Variants in DACH2 observed in about 807,000 individuals in gnomAD.
The protein encoded by DACH2 is dachshund homolog 2.
Under a neutral mutation model 35.8 loss-of-function variants are expected in DACH2, and 17 were observed. That is an observed-to-expected ratio of 0.48 (90% CI 0.33 to 0.71). DACH2 has a LOEUF of 0.71. Among genes scored for constraint, DACH2 ranks in the 30% least tolerant of loss-of-function variants. The probability of loss-of-function intolerance (pLI) is 0.02; values close to 1 mark genes in which losing one functional copy is unlikely to be tolerated. For missense variants in DACH2, 469 were observed against 472.7 expected (o/e 0.99, Z 0.07); for synonymous variants, 195 against 177.3 (o/e 1.10, Z -0.79).
At chrX:86,497,797 C>A (rs1163397841) in intron 2 of DACH2, among the ~76,000 whole-genome samples, 4 of 110,865 alleles carry the variant, frequency 3.6e-5, no homozygotes, top group Non-Finnish European at 7.6e-5. Context: ...AGTTCAAGAC[C>A]AGCTTGGCCA....
At chrX:86,668,535 T>A (rs1437986362) in intron 4 of DACH2, among the ~76,000 whole-genome samples, 2 of 111,955 alleles carry the variant, frequency 1.8e-5, no homozygotes, top group Non-Finnish European at 3.8e-5. Context: ...ATGTATTTTG[T>A]TTAATGACTC....
At chrX:86,242,794 T>C (rs60054806) in intron 1 of DACH2, among the ~76,000 whole-genome samples, 1,408 of 111,489 alleles carry the variant, frequency 0.013, 22 homozygotes, top group African/African-American at 0.043. Flanking sequence ...GCTCTTGTGA[T>C]AGTGAGCGTG....
At chrX:86,702,931 AC>A (rs1426436080) in intron 5 of DACH2, among the ~76,000 whole-genome samples, 1 of 111,288 alleles carries the variant, frequency 9.0e-6, no homozygotes, top group Admixed American at 9.6e-5. Context: ...AGCCAGTATC[AC>A]CTTGTTACCC....
chrX:86,442,548 G>A (rs67574168), intron 2 of DACH2, among the ~76,000 whole-genome samples: 3,176 of 109,735 alleles, frequency 0.029, 75 homozygotes, highest in East Asian at 0.21. Flanking sequence ...AAACTTTTAA[G>A]TTTGTTGAAA....
intron 2 of DACH2, among the ~76,000 whole-genome samples, chrX:86,399,229 G>T (rs186789322): frequency 0.023 from 2,552 of 111,036 alleles, 17 homozygotes; most frequent in Non-Finnish European, 0.035. Flanking sequence ...TTTTCCATTT[G>T]CTTGGTAGAT....
chrX:86,537,677 T>C (rs1316663160), intron 3 of DACH2, among the ~76,000 whole-genome samples: 9 of 111,932 alleles, frequency 8.0e-5, no homozygotes, highest in Non-Finnish European at 5.6e-5. Context: ...TTATTTTTTT[T>C]CACCAGATAT....
intron 6 of DACH2, among the ~76,000 whole-genome samples, chrX:86,722,349 T>C (rs1015593070): frequency 1.8e-5 from 2 of 111,175 alleles, no homozygotes; most frequent in African/African-American, 6.5e-5. Flanking sequence ...TTTATGTATT[T>C]ATGTATTTCT....
chrX:86,699,998 T>C (rs2041121185), intron 5 of DACH2, among the ~76,000 whole-genome samples: 1 of 112,153 alleles, frequency 8.9e-6, no homozygotes, highest in Admixed American at 9.5e-5. Flanking sequence ...AATTTCCATG[T>C]AATTATATGA....
intron 1 of DACH2, among the ~76,000 whole-genome samples, chrX:86,271,939 T>G (rs195040): frequency 0.16 from 17,527 of 110,438 alleles, 1,391 homozygotes; most frequent in Admixed American, 0.27. Context: ...ACCTTAATAA[T>G]GTACACTGTA....
At chrX:86,264,670 C>T (rs1282994175) in intron 1 of DACH2, among the ~76,000 whole-genome samples, 2 of 111,590 alleles carry the variant, frequency 1.8e-5, no homozygotes, top group Non-Finnish European at 3.8e-5. Flanking sequence ...TGAACCAACA[C>T]TGTTACTTAC....
chrX:86,174,695 A>C (rs749116335), intron 1 of DACH2, among the ~76,000 whole-genome samples: 27 of 110,511 alleles, frequency 2.4e-4, no homozygotes, highest in African/African-American at 8.9e-4. Context: ...CTTTTTAGAG[A>C]CAGGTTCTTG....
chrX:86,297,041 G>T (rs1205472624), intron 1 of DACH2, among the ~76,000 whole-genome samples: 1 of 39,891 alleles, frequency 2.5e-5, no homozygotes, highest in African/African-American at 1.1e-4. Flanking sequence ...AAATATAATT[G>T]TGTATATATA....
chrX:86,392,718 A>G (rs2036222871), intron 2 of DACH2, among the ~76,000 whole-genome samples: 1 of 111,855 alleles, frequency 8.9e-6, no homozygotes, highest in African/African-American at 3.3e-5. Flanking sequence ...TAACACTTAG[A>G]TATTGCTTAC....
At chrX:86,799,957 A>T (rs2042276021) in intron 7 of DACH2, among the ~76,000 whole-genome samples, 1 of 111,564 alleles carries the variant, frequency 9.0e-6, no homozygotes, top group Non-Finnish European at 1.9e-5. Context: ...TCTGAGGTAG[A>T]TCTTTATATT....
At chrX:86,322,088 C>T (rs1251415048) in intron 1 of DACH2, among the ~76,000 whole-genome samples, 1 of 110,621 alleles carries the variant, frequency 9.0e-6, no homozygotes, top group Admixed American at 9.6e-5. Context: ...GCTCTTCTGA[C>T]TTAGGGGAAC....
chrX:86,749,927 A>G (rs1032487106), intron 7 of DACH2, among the ~76,000 whole-genome samples: 2 of 110,901 alleles, frequency 1.8e-5, no homozygotes, highest in Non-Finnish European at 3.8e-5. Flanking sequence ...TTGTTCTTAT[A>G]TTCTTCAACT....
Position 86,434,854 on chromosome X carries a change from G to A in DACH2, c.527+57992G>A, listed in dbSNP as rs139814322. Among the ~76,000 whole-genome samples, 549 of 111,595 alleles carry A rather than the reference G, an allele frequency of 4.9e-3. 4 individuals carry two copies. The highest frequency in any genetic ancestry group is 0.017 in the African/African-American group (522 of 30,732). On this transcript the variant is annotated intron_variant, in intron 2 of 11. Coordinates refer to ENST00000373125, the MANE Select transcript of DACH2 (RefSeq NM_053281.3). ...TGCTCAGCTTTTGGGAAGGCCTCAG[G>A]AAGCTTATAATCATGGCGGAAGGTA...
chrX:86,295,025 T>A lies in DACH2; in HGVS notation c.489-81799T>A, dbSNP rs1171385821. Among the ~76,000 whole-genome samples, 6 of 112,809 alleles carry A rather than the reference T, an allele frequency of 5.3e-5. No homozygotes were observed. In the South Asian group the frequency reaches 2.2e-3, roughly 41 times the overall value. On this transcript the variant is annotated intron_variant, in intron 1 of 11. Transcript: ENST00000373125. The stretch of plus-strand genomic sequence containing the variant: ...GCGGGCGCCCCTCCTCCAGCCTCAC[T>A]GCCGCCTTGCAGTTTGATCTTAGAC...
chrX:86,772,291 A>G (rs1172341967), intron 7 of DACH2, among the ~76,000 whole-genome samples: 1 of 111,842 alleles, frequency 8.9e-6, no homozygotes, highest in Non-Finnish European at 1.9e-5. Flanking sequence ...AGTAGAACAA[A>G]TAACTATTTG....
Sources: gnomAD v4.1 joint callset for allele counts (sites outside exome capture counted in the v4.1 genomes callset) on GRCh38, gnomAD v4.1.1 for gene constraint, MANE v1.5 for transcripts, NCBI Gene and HGNC (gene_info 2026-07-23, HGNC 2026-07-21) for gene names.